The following SPATA17 variants were observed in gnomAD, a reference collection of about 807,000 sequenced individuals.
The protein encoded by SPATA17 is spermatogenesis-associated protein 17.
A neutral mutation model predicts 62.2 loss-of-function variants in SPATA17; 53 were observed. The ratio of observed to expected loss-of-function variants is 0.85; its 90% CI spans 0.68 to 1.07. The LOEUF (loss-of-function observed/expected upper bound fraction) is 1.07, where lower values mean the gene tolerates loss of function less well. Ranked by LOEUF, SPATA17 falls within the 50% of genes least tolerant of loss-of-function variation. SPATA17 has a pLI of 0.00. For synonymous variants in SPATA17, 146 were observed against 146.8 expected (o/e 0.99, Z 0.04); for missense variants, 466 against 425.5 (o/e 1.10, Z -0.84).
intron 9 of SPATA17, chr1:217,850,385 A>G (rs1675620931): frequency 2.0e-6 from 2 of 1,003,616 alleles, no homozygotes; most frequent in Non-Finnish European, 3.0e-6. Context: ...AGCACTGCAA[A>G]TGCAAGACTG....
At chr1:217,706,671 C>G (rs1203398627) in intron 5 of SPATA17, among the ~76,000 whole-genome samples, 1 of 152,148 alleles carries the variant, frequency 6.6e-6, no homozygotes, top group Non-Finnish European at 1.5e-5. Context: ...ATAAATTACC[C>G]AGTCTCAGGA....
intron 1 of SPATA17, among the ~76,000 whole-genome samples, chr1:217,646,980 T>TA (rs1670197131): frequency 6.6e-6 from 1 of 152,124 alleles, no homozygotes; most frequent in Non-Finnish European, 1.5e-5. Flanking sequence ...CTGTGACACT[T>TA]ACTAAAGATG....
At chr1:217,779,788 C>T (rs1448043001) in intron 7 of SPATA17, among the ~76,000 whole-genome samples, 1 of 152,086 alleles carries the variant, frequency 6.6e-6, no homozygotes, top group Non-Finnish European at 1.5e-5. Context: ...GTACTCTAAT[C>T]AGAGTAGCTT....
chr1:217,639,374 C>T (rs540884238), intron 1 of SPATA17, among the ~76,000 whole-genome samples: 3 of 152,116 alleles, frequency 2.0e-5, no homozygotes, highest in East Asian at 3.9e-4. Context: ...CATTTTCAGA[C>T]ATGTAAAGAC....
At chr1:217,727,781 C>T (rs1194632153) in intron 5 of SPATA17, among the ~76,000 whole-genome samples, 1 of 152,140 alleles carries the variant, frequency 6.6e-6, no homozygotes, top group Non-Finnish European at 1.5e-5. Context: ...AAAAGGCAAG[C>T]TTAGAGTCTC....
chr1:217,649,686 G>C (rs1670262434), intron 2 of SPATA17, among the ~76,000 whole-genome samples: 1 of 150,126 alleles, frequency 6.7e-6, no homozygotes, highest in South Asian at 2.1e-4. Context: ...ATGTCATTCT[G>C]ACTATAAAAA....
At chr1:217,758,207 T>G (rs997788789) in intron 6 of SPATA17, among the ~76,000 whole-genome samples, 7 of 152,214 alleles carry the variant, frequency 4.6e-5, no homozygotes, top group Admixed American at 3.3e-4. Flanking sequence ...TCCTATGAGA[T>G]AGACTATTAC....
intron 5 of SPATA17, among the ~76,000 whole-genome samples, chr1:217,712,534 C>T (rs1049801506): frequency 6.6e-6 from 1 of 152,044 alleles, no homozygotes; most frequent in Non-Finnish European, 1.5e-5. Flanking sequence ...AGAAGTAATG[C>T]ACTCAGTCTC....
At chr1:217,723,155 G>C (rs61825780) in intron 5 of SPATA17, among the ~76,000 whole-genome samples, 37,988 of 151,990 alleles carry the variant, frequency 0.25, 5,151 homozygotes, top group African/African-American at 0.34. Context: ...TTGAGTTACC[G>C]TTTATAGTGT....
chr1:217,852,229 G>A (rs1226098218), intron 9 of SPATA17, among the ~76,000 whole-genome samples: 1 of 152,098 alleles, frequency 6.6e-6, no homozygotes, highest in Admixed American at 6.5e-5. Flanking sequence ...AATGCATCAA[G>A]TGTTATTTCT....
rs1037292603 is a variant in SPATA17, at chr1:217,869,967, A to G, written c.*2948A>G. 3 of 152,172 alleles carry G rather than the reference A, an allele frequency of 2.0e-5. No homozygotes were observed. Among genetic ancestry groups the G allele is most frequent in the African/African-American group, 7.2e-5 (3 of 41,448 alleles). The allele number at this position is 152,172 out of a possible 1,614,324, so 9.4% of individuals were successfully genotyped here. ...AATAGCGGACCATCTGTATATCTGA[A>G]AGAAGATGAACCAAGACTTGGTTAT... On this transcript the variant is annotated 3_prime_UTR_variant, in exon 11 of 11. Transcript: ENST00000366933.
At chr1:217,747,285 G>T (rs1222977497) in intron 6 of SPATA17, among the ~76,000 whole-genome samples, 1 of 152,056 alleles carries the variant, frequency 6.6e-6, no homozygotes, top group African/African-American at 2.4e-5. Flanking sequence ...AATCTCATTT[G>T]CAGATTTGTT....
intron 5 of SPATA17, among the ~76,000 whole-genome samples, chr1:217,735,981 T>C (rs1672502769): frequency 6.6e-6 from 1 of 151,696 alleles, no homozygotes; most frequent in South Asian, 2.1e-4. Context: ...GTTTAGATTT[T>C]TTATCTTATA....
At chr1:217,841,714 A>G (rs1371048675) in intron 9 of SPATA17, among the ~76,000 whole-genome samples, 4 of 151,916 alleles carry the variant, frequency 2.6e-5, no homozygotes, top group Non-Finnish European at 5.9e-5. Flanking sequence ...CTTTGGGTCC[A>G]GGAGTTCAAG....
intron 9 of SPATA17, among the ~76,000 whole-genome samples, chr1:217,818,436 C>T (rs566396973): frequency 7.2e-5 from 11 of 152,156 alleles, no homozygotes; most frequent in African/African-American, 2.2e-4. Context: ...CTACTACAGA[C>T]CTACGGTATA....
chr1:217,859,128 A>G (rs1675843841), intron 9 of SPATA17, among the ~76,000 whole-genome samples: 1 of 144,260 alleles, frequency 6.9e-6, no homozygotes, highest in African/African-American at 2.5e-5. Flanking sequence ...ACATAAATTT[A>G]TATATAATTA....
At chr1:217,775,559 T>G (rs776986474) in intron 7 of SPATA17, among the ~76,000 whole-genome samples, 15 of 151,972 alleles carry the variant, frequency 9.9e-5, no homozygotes, top group Non-Finnish European at 1.6e-4. Flanking sequence ...AAAAATTAGC[T>G]GGACATGGTG....
chr1:217,681,116 A>C (rs1479605630), intron 4 of SPATA17, among the ~76,000 whole-genome samples: 2 of 150,556 alleles, frequency 1.3e-5, no homozygotes, highest in Non-Finnish European at 3.0e-5. Context: ...TATCCCAGCT[A>C]CTCATGAAGC....
At chr1:217,712,128 C>CTGTTTTTTTTTTTTTT (rs1671881866) in intron 5 of SPATA17, among the ~76,000 whole-genome samples, 1 of 134,118 alleles carries the variant, frequency 7.5e-6, no homozygotes. Context: ...ACAATATGTT[C>CTGTTTTTTTTTTTTTT]TTTTGTTTTT....
Sources: allele counts gnomAD v4.1 joint callset (sites outside exome capture counted in the v4.1 genomes callset), GRCh38; gene constraint gnomAD v4.1.1; transcripts MANE v1.5; gene names NCBI Gene and HGNC (gene_info 2026-07-23, HGNC 2026-07-21).